Variants in ZBTB41 observed in about 807,000 individuals in gnomAD.
The protein encoded by ZBTB41 is zinc finger and BTB domain-containing protein 41.
A neutral mutation model predicts 87.6 loss-of-function variants in ZBTB41; 42 were observed. The ratio of observed to expected loss-of-function variants is 0.48; its 90% CI spans 0.37 to 0.62. The LOEUF (loss-of-function observed/expected upper bound fraction) is 0.62, where lower values mean the gene tolerates loss of function less well. Ranked by LOEUF, ZBTB41 falls within the 20% of genes least tolerant of loss-of-function variation. ZBTB41 has a pLI of 0.00. For missense variants in ZBTB41, 799 were observed against 1,078.9 expected (o/e 0.74, Z 3.63); for synonymous variants, 364 against 364.0 (o/e 1.00, Z 0.00).
In ZBTB41 at chr1:197,159,690, T is replaced by C; in HGVS notation, c.2399A>G (p.Gln800Arg). ...AACACATACTTCAGCAGATACATTCTGTAACATCGTCTTGGCTTCCGACTG... is the reference window on the plus strand; with the variant it reads ...AACACATACTTCAGCAGATACATTCCGTAACATCGTCTTGGCTTCCGACTG... Reference protein sequence around the residue: ...VYQSEAKTMLQNVSAEVCVPV... With the variant: ...VYQSEAKTMLRNVSAEVCVPV... Residue 800 changes from glutamine (Q) to arginine (R), a missense_variant, in exon 11 of 11, where the codon CAG becomes CGG. Gln to Arg is a conservative substitution (Grantham distance 43). Around this residue, in one of 5 missense-constraint regions of ZBTB41, gnomAD observed 171 missense variants for 191.9 expected, o/e 0.89. Coordinates refer to ENST00000367405, the MANE Select transcript of ZBTB41 (RefSeq NM_194314.3). 1 of 1,614,032 alleles carries C rather than the reference T, an allele frequency of 6.2e-7. No individual in the cohort carries two copies. The highest frequency in any genetic ancestry group is 1.1e-5 in the South Asian group (1 of 91,076).
intron 10 of ZBTB41, among the ~76,000 whole-genome samples, chr1:197,168,022 A>G (rs1659392056): frequency 6.6e-6 from 1 of 152,186 alleles, no homozygotes; most frequent in South Asian, 2.1e-4. Flanking sequence ...GAAAGTTCAA[A>G]AAAAGCTAGG....
At chr1:197,182,673 CAT>C (rs1437368977) in intron 5 of ZBTB41, among the ~76,000 whole-genome samples, 1 of 152,146 alleles carries the variant, frequency 6.6e-6, no homozygotes. Context: ...GCATTAAATA[CAT>C]ATCTTTCCCT....
intron 5 of ZBTB41, among the ~76,000 whole-genome samples, chr1:197,186,053 A>G (rs1164222755): frequency 6.6e-6 from 1 of 152,282 alleles, no homozygotes; most frequent in East Asian, 1.9e-4. Flanking sequence ...GAGGGCTGAC[A>G]TTACTTGGCT....
At chr1:197,188,231 T>C (rs1395396626) in intron 5 of ZBTB41, 61 bp downstream of exon 5, 1 of 1,580,542 alleles carries the variant, frequency 6.3e-7, no homozygotes, top group Non-Finnish European at 8.6e-7. Flanking sequence ...AGAAGGCTCC[T>C]CCAGCATGAT....
At chr1:197,194,635 A>G (rs2125140939) in intron 2 of ZBTB41, among the ~76,000 whole-genome samples, 1 of 104,414 alleles carries the variant, frequency 9.6e-6, no homozygotes, top group African/African-American at 3.6e-5. Flanking sequence ...AAAAAAAAAG[A>G]AGAAGAAGAA....
At position 197,191,710 on chromosome 1, in the gene ZBTB41, A is replaced by G. The variant is rs774342869; in HGVS notation, c.1310T>C (p.Leu437Ser). 19 of 1,612,530 alleles carry G rather than the reference A, an allele frequency of 1.2e-5. No homozygotes were observed. The highest frequency in any genetic ancestry group is 1.4e-5 in the Non-Finnish European group (17 of 1,179,382). Reference protein sequence around the residue: ...CNKLHASKKTLAKHVKRFHPE... With the variant: ...CNKLHASKKTSAKHVKRFHPE... ...TACTTGCCTCTTAACATGCTTGGCT[A>G]AAGTCTTCTTGCTTGCATGAAGTTT... Residue 437 changes from leucine (L) to serine (S), a missense_variant, in exon 3 of 11, where the codon TTA (leucine) becomes TCA (serine). Physicochemically the swap from Leu to Ser is moderately radical, Grantham distance 145 (BLOSUM62 -2). Transcript: ENST00000367405.
At chr1:197,177,608 T>C (rs1386955011) in intron 7 of ZBTB41, among the ~76,000 whole-genome samples, 5 of 151,992 alleles carry the variant, frequency 3.3e-5, no homozygotes, top group Non-Finnish European at 5.9e-5. Flanking sequence ...TTCACACCAA[T>C]AGAACAAAAT....
chr1:197,177,393 C>T lies in ZBTB41; in HGVS notation c.1773-723G>A, dbSNP rs148074490. ...GTTTCCTGAGGCCTTCCCAGCCATGCGGAACTGTGAGTCAATTAAATCCTT... is the reference window on the plus strand; with the variant it reads ...GTTTCCTGAGGCCTTCCCAGCCATGTGGAACTGTGAGTCAATTAAATCCTT... On this transcript the variant is annotated intron_variant, in intron 7 of 10. Transcript: ENST00000367405. Among the ~76,000 whole-genome samples, 1,157 of 152,162 alleles carry T rather than the reference C, an allele frequency of 7.6e-3. 9 individuals are homozygous for T. Among genetic ancestry groups the T allele is most frequent in the African/African-American group, 0.025 (1,050 of 41,540 alleles).
At position 197,181,981 on chromosome 1, in the gene ZBTB41, A is replaced by G. The variant is rs138840152; in HGVS notation, c.1547-864T>C. ...TTCATGGGATCTAAATATTTTACTCATTTATTAACTCATTCAACAAGTATT... is the reference window on the plus strand; with the variant it reads ...TTCATGGGATCTAAATATTTTACTCGTTTATTAACTCATTCAACAAGTATT... On this transcript the variant is annotated intron_variant, in intron 5 of 10. Transcript: ENST00000367405. 6.3e-3 allele frequency among the ~76,000 whole-genome samples: 965 copies of G among 152,290 alleles called. 12 individuals are homozygous for G. Among genetic ancestry groups the G allele is most frequent in the African/African-American group, 0.022 (927 of 41,572 alleles).
rs1251123995 is a variant in ZBTB41, at chr1:197,176,659, C to T, written c.1784G>A (p.Arg595Gln). ...RHGSSYRLHL[R>Q]VHHDDKRYEC... is the part of the protein sequence containing the mutation. ...ATATCTTTTATCATCATGATGTACT[C>T]GTAAGTGAAGTCTATAAAGAAAAAA... Residue 595 changes from arginine to glutamine, a missense_variant, in exon 8 of 11, where the codon CGA (arginine) becomes CAA (glutamine). Physicochemically the swap from Arg to Gln is conservative, Grantham distance 43 (BLOSUM62 1). This residue lies in a region of ZBTB41 where 198 missense variants were observed against 358.4 expected (regional missense o/e 0.55). Transcript: ENST00000367405. 3 of 1,609,218 alleles carry T rather than the reference C, an allele frequency of 1.9e-6. No individual in the cohort carries two copies. The highest frequency in any genetic ancestry group is 1.7e-4 in the Middle Eastern group (1 of 6,028).
rs1659081925 is a variant in ZBTB41 at position 197,157,043 on chromosome 1, A to G, written c.*2316T>C. 1 of 152,214 alleles carries G rather than the reference A, an allele frequency of 6.6e-6. No homozygotes were observed. Among genetic ancestry groups the G allele is most frequent in the Non-Finnish European group, 1.5e-5 (1 of 67,736 alleles). The allele number at this position is 152,214 out of a possible 1,614,324, so 9.4% of individuals were successfully genotyped here. Reference sequence around the variant, plus strand: ...TAACATATATGAAAGCATTTTATAAAACAGTAAATCACTACTCAAGTTTAA... The same window carrying G: ...TAACATATATGAAAGCATTTTATAAGACAGTAAATCACTACTCAAGTTTAA... On this transcript the variant is annotated 3_prime_UTR_variant, in exon 11 of 11. Transcript: ENST00000367405.
At chr1:197,184,611 T>G (rs1266776558) in intron 5 of ZBTB41, among the ~76,000 whole-genome samples, 2 of 152,130 alleles carry the variant, frequency 1.3e-5, no homozygotes, top group African/African-American at 4.8e-5. Context: ...AAAATACACT[T>G]TTATTAATAT....
Position 197,199,465 on chromosome 1 carries a change from C to A in ZBTB41, c.1009G>T (p.Ala337Ser). The A allele has an allele frequency of 6.2e-7, 1 of 1,613,130 alleles. No individual in the cohort carries two copies. Residue 337 changes from alanine (A) to serine (S), a missense_variant, in exon 2 of 11, where the codon GCT becomes TCT. By Grantham distance (99) the Ala-to-Ser change is moderately conservative. This residue lies in a region of ZBTB41 where 294 missense variants were observed against 340.1 expected (regional missense o/e 0.86). Transcript: ENST00000367405. ...DHNDAEEEPE[A>S]GDSVGNVHEG... ...TGAACATTTCCTACAGAATCACCAGCCTCAGGTTCTTCTTCTGCATCATTA... is the reference window on the plus strand; with the variant it reads ...TGAACATTTCCTACAGAATCACCAGACTCAGGTTCTTCTTCTGCATCATTA...
Position 197,200,575 on chromosome 1 carries a change from C to T in ZBTB41, c.-102G>A, listed in dbSNP as rs1652724936. On this transcript the variant is annotated 5_prime_UTR_variant, in exon 2 of 11. Transcript: ENST00000367405. Reference sequence around the variant, plus strand: ...GATAACAGCTTCTGAAGGGGCGTGCCCAAGGGTTTCATGGTCTGCAAAAGA... The same window carrying T: ...GATAACAGCTTCTGAAGGGGCGTGCTCAAGGGTTTCATGGTCTGCAAAAGA... The T allele has an allele frequency of 8.3e-7, 1 of 1,209,200 alleles. No individual in the cohort carries two copies. Among genetic ancestry groups the T allele is most frequent in the Admixed American group, 2.7e-5 (1 of 36,450 alleles). The allele number at this position is 1,209,200 out of a possible 1,614,324, so 74.9% of individuals were successfully genotyped here.
intron 6 of ZBTB41, among the ~76,000 whole-genome samples, chr1:197,180,753 G>A (rs547330298): frequency 1.5e-4 from 22 of 151,484 alleles, no homozygotes; most frequent in Non-Finnish European, 2.4e-4. Flanking sequence ...GTTTTAGTGG[G>A]GTTTCAGAAA....
intron 5 of ZBTB41, among the ~76,000 whole-genome samples, chr1:197,182,776 G>A (rs1465808206): frequency 1.3e-5 from 2 of 151,980 alleles, no homozygotes; most frequent in African/African-American, 4.8e-5. Flanking sequence ...GTGATATCTA[G>A]ACCATTTGCA....
At chr1:197,177,763 A>C (rs182525408) in intron 7 of ZBTB41, among the ~76,000 whole-genome samples, 1 of 152,210 alleles carries the variant, frequency 6.6e-6, no homozygotes, top group East Asian at 1.9e-4. Context: ...AAATTGCCAA[A>C]ATAAGTGTTG....
At chr1:197,172,936 T>TACTACAAA in intron 9 of ZBTB41, among the ~76,000 whole-genome samples, 1 of 152,242 alleles carries the variant, frequency 6.6e-6, no homozygotes, top group African/African-American at 2.4e-5. Context: ...ATTAGTCCTT[T>TACTACAAA]ATTTTTACTA....
chr1:197,187,216 T>C (rs929425962), intron 5 of ZBTB41, among the ~76,000 whole-genome samples: 3 of 152,210 alleles, frequency 2.0e-5, no homozygotes, highest in African/African-American at 7.2e-5. Flanking sequence ...ACCAAAGGAA[T>C]TGAAAATCTA....
Sources: gnomAD v4.1 joint callset for allele counts (sites outside exome capture counted in the v4.1 genomes callset) on GRCh38, gnomAD v4.1.1 for gene constraint, gnomAD v4.1.1 regional missense constraint, MANE v1.5 for transcripts, NCBI Gene and HGNC (gene_info 2026-07-23, HGNC 2026-07-21) for gene names.